The following SAMD8 variants were observed in gnomAD, a reference collection of about 807,000 sequenced individuals.
SAMD8 encodes sphingomyelin synthase-related protein 1.
In SAMD8, 20 loss-of-function variants were observed where a neutral mutation model predicts 42.0. The observed-to-expected ratio is 0.48, with a 90% CI of 0.34 to 0.69. The LOEUF is 0.69. Ranked by LOEUF, SAMD8 falls within the 30% of genes least tolerant of loss-of-function variation. SAMD8 has a pLI of 0.01. For synonymous variants in SAMD8, 162 were observed against 173.0 expected, an observed-to-expected ratio of 0.94 and a Z score of 0.50; for missense variants, 328 against 511.6, an observed-to-expected ratio of 0.64 and a Z score of 3.46.
chr10:75,109,233 A>G, upstream of SAMD8: 5 of 1,451,092 alleles, frequency 3.4e-6, no homozygotes, highest in Non-Finnish European at 4.5e-6. Flanking sequence ...CTTCCCAGAG[A>G]TTGACAGGGA....
At chr10:75,161,510 C>G (rs1193555113) in intron 2 of SAMD8, among the ~76,000 whole-genome samples, 1 of 151,014 alleles carries the variant, frequency 6.6e-6, no homozygotes, top group East Asian at 1.9e-4. Context: ...TATGAATGGT[C>G]AGTCAAGAAA....
At chr10:75,102,300 G>A (rs796596050) in intron 1 of SAMD8, among the ~76,000 whole-genome samples, 9 of 152,262 alleles carry the variant, frequency 5.9e-5, no homozygotes, top group Admixed American at 1.3e-4. Context: ...CAGGCTAGCC[G>A]GGCGTGGTGG....
rs1848772240 is a variant in SAMD8 at position 75,111,684 on chromosome 10, T to TC, written c.-53dup. ...CTCCGACGGCGGCTCGGACGCCGACTCGGAGGTGGGTCCGGGGAGCCCGAC... is the reference window on the plus strand; with the variant it reads ...CTCCGACGGCGGCTCGGACGCCGACTCCGGAGGTGGGTCCGGGGAGCCCGAC... On this transcript the variant is annotated 5_prime_UTR_variant, in exon 1 of 6. Coordinates refer to ENST00000542569, the MANE Select transcript of SAMD8 (RefSeq NM_001174156.2). 2 of 1,239,016 alleles carry TC rather than the reference T, an allele frequency of 1.6e-6. No homozygotes were observed. Among genetic ancestry groups the TC allele is most frequent in the East Asian group, 6.3e-5 (2 of 31,728 alleles). The allele number at this position is 1,239,016 out of a possible 1,614,324, so 76.8% of individuals were successfully genotyped here.
intron 2 of SAMD8, among the ~76,000 whole-genome samples, chr10:75,158,501 A>G (rs555977695): frequency 6.6e-6 from 1 of 152,172 alleles, no homozygotes; most frequent in Admixed American, 6.5e-5. Context: ...CTGAGGCAGG[A>G]GAATTGCTTG....
At chr10:75,105,956 C>T (rs1848476448) in intron 1 of SAMD8, 1 of 1,272,182 alleles carries the variant, frequency 7.9e-7, no homozygotes, top group East Asian at 2.5e-5. Flanking sequence ...TTTCCTGACC[C>T]TGCCTTGGGT....
chr10:75,146,823 C>T (rs1053242081), intron 1 of SAMD8, among the ~76,000 whole-genome samples: 4 of 152,156 alleles, frequency 2.6e-5, no homozygotes, highest in Non-Finnish European at 5.9e-5. Flanking sequence ...TTTGGTACAA[C>T]ATAAATATTA....
At chr10:75,163,728 G>A (rs1455660108) in intron 2 of SAMD8, among the ~76,000 whole-genome samples, 8 of 152,138 alleles carry the variant, frequency 5.3e-5, no homozygotes, top group Admixed American at 4.6e-4. Flanking sequence ...GATTACAGGC[G>A]TGATCCACCA....
chr10:75,139,005 G>A (rs1839957631), intron 1 of SAMD8, among the ~76,000 whole-genome samples: 1 of 148,074 alleles, frequency 6.8e-6, no homozygotes, highest in Non-Finnish European at 1.5e-5. Flanking sequence ...TTGCTGCCCA[G>A]GCTAGAGGGC....
chr10:75,108,012 C>A, upstream of SAMD8: 1 of 1,612,884 alleles, frequency 6.2e-7, no homozygotes, highest in Non-Finnish European at 8.5e-7. Flanking sequence ...GTTGAGGGCA[C>A]GGTGGATGAA....
chr10:75,124,202 C>T (rs1849072838), intron 1 of SAMD8, among the ~76,000 whole-genome samples: 1 of 152,102 alleles, frequency 6.6e-6, no homozygotes, highest in Non-Finnish European at 1.5e-5. Context: ...GTCAGTCTTC[C>T]TCTTCATTTC....
chr10:75,117,732 A>ACAAG (rs909044175), intron 1 of SAMD8, among the ~76,000 whole-genome samples: 14 of 152,320 alleles, frequency 9.2e-5, no homozygotes, highest in African/African-American at 3.4e-4. Context: ...AAACAAACAA[A>ACAAG]CAAAAAAGAT....
intron 2 of SAMD8, among the ~76,000 whole-genome samples, chr10:75,158,465 T>C (rs1365837734): frequency 4.0e-5 from 6 of 150,368 alleles, no homozygotes; most frequent in African/African-American, 1.5e-4. Flanking sequence ...GGTGGCATGC[T>C]CCTTTAGTCC....
At chr10:75,156,349 G>A (rs1840409915) in intron 2 of SAMD8, among the ~76,000 whole-genome samples, 1 of 152,184 alleles carries the variant, frequency 6.6e-6, no homozygotes, top group Non-Finnish European at 1.5e-5. Context: ...GCAAATAAAT[G>A]TGGGCAGCAT....
chr10:75,107,636 G>A (rs893954818), upstream of SAMD8, among the ~76,000 whole-genome samples: 1 of 152,106 alleles, frequency 6.6e-6, no homozygotes, highest in Non-Finnish European at 1.5e-5. Context: ...GAGTGAAGTG[G>A]CATGATCTCG....
At chr10:75,148,541 G>T (rs1200976394) in intron 1 of SAMD8, among the ~76,000 whole-genome samples, 3 of 152,024 alleles carry the variant, frequency 2.0e-5, no homozygotes, top group Non-Finnish European at 2.9e-5. Flanking sequence ...TTTTAGTAGA[G>T]ATGGGGTTTC....
chr10:75,111,644 G>T, upstream of SAMD8: 1 of 1,245,058 alleles, frequency 8.0e-7, no homozygotes, highest in South Asian at 3.5e-5. Context: ...CCGGCGAGGC[G>T]GGGAGGGCCC....
chr10:75,116,785 A>G (rs1379917576), intron 1 of SAMD8, among the ~76,000 whole-genome samples: 1 of 152,076 alleles, frequency 6.6e-6, no homozygotes, highest in Non-Finnish European at 1.5e-5. Context: ...ATTTTCCATT[A>G]TATTGATTAG....
chr10:75,162,513 G>A (rs1215286706), intron 2 of SAMD8, among the ~76,000 whole-genome samples: 6 of 151,906 alleles, frequency 3.9e-5, no homozygotes, highest in African/African-American at 1.4e-4. Context: ...GCCGGGCCTG[G>A]TGCTGCATGC....
chr10:75,123,515 C>A (rs976571638), intron 1 of SAMD8, among the ~76,000 whole-genome samples: 4 of 152,036 alleles, frequency 2.6e-5, no homozygotes, highest in Non-Finnish European at 5.9e-5. Flanking sequence ...GAGATATGGC[C>A]GGATTATAAC....
Sources: allele counts gnomAD v4.1 joint callset (sites outside exome capture counted in the v4.1 genomes callset), GRCh38; gene constraint gnomAD v4.1.1; transcripts MANE v1.5; gene names NCBI Gene and HGNC (gene_info 2026-07-23, HGNC 2026-07-21).